Variants in LCAT observed in about 807,000 individuals in gnomAD.
The protein encoded by LCAT is lecithin-cholesterol acyltransferase.
In LCAT, 15 loss-of-function variants were observed where a neutral mutation model predicts 41.0. That is an observed-to-expected ratio of 0.37 (90% confidence interval 0.24 to 0.56). The LOEUF (loss-of-function observed/expected upper bound fraction) is 0.56, where lower values mean the gene tolerates loss of function less well. Among genes scored for constraint, LCAT ranks in the 20% least tolerant of loss-of-function variants. The pLI, the probability that LCAT is intolerant of heterozygous loss-of-function variation, is 0.81. For missense variants in LCAT, 449 were observed against 595.1 expected, an observed-to-expected ratio of 0.75 and a Z score of 2.55; for synonymous variants, 248 against 245.4, an observed-to-expected ratio of 1.01 and a Z score of -0.10.
At position 67,942,753 on chromosome 16, in the gene LCAT, T is replaced by A. The variant is rs752777338; in HGVS notation, c.441A>T (p.Thr147=). The A allele has an allele frequency of 1.2e-6, 2 of 1,612,876 alleles. No homozygotes were observed. Among genetic ancestry groups the A allele is most frequent in the South Asian group, 2.2e-5 (2 of 91,090 alleles). The change falls in exon 4 of 6, where the codon ACA becomes ACT. Residue 147 remains threonine (T), a synonymous_variant. Transcript: ENST00000264005. This position sits in a 1 kb window ranked among gnomAD's most constrained non-coding sequence, Gnocchi z 6.6. ...CATTGTTGACCAGGTTCTGCACCAG[T>A]GTGTGCAGGTACCCTGTGGGGGGAC... ...DSSKLAGYLH[T]LVQNLVNNGY...
Position 67,943,434 on chromosome 16 carries a change from G to A in LCAT, c.155-222C>T. 1 of 597,664 alleles carries A rather than the reference G, an allele frequency of 1.7e-6. No individual in the cohort carries two copies. Among genetic ancestry groups the A allele is most frequent in the Non-Finnish European group, 3.0e-6 (1 of 330,406 alleles). 37.0% of individuals were successfully genotyped at this position (597,664 alleles called of 1,614,324 possible). A position where few individuals can be genotyped will look rare whatever the true frequency, so the allele number is the denominator to read the frequency against. On this transcript the variant is annotated intron_variant, in intron 1 of 5. Transcript: ENST00000264005. This position sits in a 1 kb window ranked among gnomAD's most constrained non-coding sequence, Gnocchi z 4.6. ...GAGGAAGGGAAGGCGCTGAGGTGCT[G>A]AGGCCAAGGCCGCTGACCCCTGCCT...
At position 67,940,108 on chromosome 16, in the gene LCAT, C is replaced by A; in HGVS notation, c.1119G>T (p.Ala373=). 6.2e-7 allele frequency: 1 copy of A among 1,613,138 alleles called. No homozygotes were observed. The highest frequency in any genetic ancestry group is 1.7e-5 in the Admixed American group (1 of 60,026). Residue 373 remains alanine (A), a synonymous_variant, in exon 6 of 6, where the codon GCG becomes GCT. Coordinates refer to ENST00000264005, the MANE Select transcript of LCAT (RefSeq NM_000229.2). ...GGCCACAGAGCTCGGTGCTGCGGGT[C>A]GCCACCGTGTCATCACCATCCTCAT... The part of the protein sequence containing the change: ...VLYEDGDDTV[A]TRSTELCGLW...
chr16:67,941,892 A>G (rs1197104706), intron 5 of LCAT: 2 of 1,122,618 alleles, frequency 1.8e-6, no homozygotes, highest in Non-Finnish European at 2.2e-6. Flanking sequence ...ACCAGCTCCC[A>G]GGGTACAGGG....
chr16:67,942,247 A>G lies in LCAT; in HGVS notation c.748+116T>C. ...CCAGTGACAGCAAGCATGCCAGCCCAGGAGTGGTAGATAGCACCCCTAGAG... is the reference window on the plus strand; with the variant it reads ...CCAGTGACAGCAAGCATGCCAGCCCGGGAGTGGTAGATAGCACCCCTAGAG... On this transcript the variant is annotated intron_variant, in intron 5 of 5. Coordinates refer to ENST00000264005, the MANE Select transcript of LCAT (RefSeq NM_000229.2). This position sits in a 1 kb window ranked among gnomAD's most constrained non-coding sequence, Gnocchi z 6.6. The G allele has an allele frequency of 1.5e-6, 2 of 1,307,542 alleles. No individual in the cohort carries two copies. Among genetic ancestry groups the G allele is most frequent in the Non-Finnish European group, 1.1e-6 (1 of 927,952 alleles). The allele number at this position is 1,307,542 out of a possible 1,614,324, so 81.0% of individuals were successfully genotyped here.
rs371031661 is a variant in LCAT at position 67,942,986 on chromosome 16, G to A, written c.312-10C>T. 54 of 1,612,682 alleles carry A rather than the reference G, an allele frequency of 3.3e-5. No homozygotes were observed. The highest frequency in any genetic ancestry group is 3.9e-5 in the Non-Finnish European group (46 of 1,179,210). On this transcript the variant is annotated splice_polypyrimidine_tract_variant and intron_variant, in intron 2 of 5. Coordinates refer to ENST00000264005, the MANE Select transcript of LCAT (RefSeq NM_000229.2). The surrounding 1 kb of genome is among the most constrained non-coding windows in gnomAD (Gnocchi z 6.6). ...CCGGTTGTAGACAACCCTGCGGGGCGGGGGTGCCACTCAGCAGCCAGTAGC... is the reference window on the plus strand; with the variant it reads ...CCGGTTGTAGACAACCCTGCGGGGCAGGGGTGCCACTCAGCAGCCAGTAGC...
At position 67,942,682 on chromosome 16, in the gene LCAT, C is replaced by G; in HGVS notation, c.512G>C (p.Arg171Pro). 1 of 1,612,888 alleles carries G rather than the reference C, an allele frequency of 6.2e-7. No individual in the cohort carries two copies. The highest frequency in any genetic ancestry group is 8.5e-7 in the Non-Finnish European group (1 of 1,179,954). ...GCAGAGACACTCACCGGGCTCCAGCCGCCAGTCATAGGGGGCGGCGCGCAC... is the reference window on the plus strand; with the variant it reads ...GCAGAGACACTCACCGGGCTCCAGCGGCCAGTCATAGGGGGCGGCGCGCAC... ...ETVRAAPYDWRLEPGQQEEYY... is the reference protein window; with the variant it reads ...ETVRAAPYDWPLEPGQQEEYY... The change falls in exon 4 of 6, where the codon CGG becomes CCG. Residue 171 changes from arginine (R) to proline (P), a missense_variant. Physicochemically the swap from Arg to Pro is moderately radical, Grantham distance 103. Coordinates refer to ENST00000264005, the MANE Select transcript of LCAT (RefSeq NM_000229.2). The surrounding 1 kb of genome is among the most constrained non-coding windows in gnomAD (Gnocchi z 6.6).
At position 67,939,789 on chromosome 16, in the gene LCAT, C is replaced by A; in HGVS notation, c.*115G>T. 1.3e-6 allele frequency: 2 copies of A among 1,520,100 alleles called. No individual in the cohort carries two copies. Among genetic ancestry groups the A allele is most frequent in the Non-Finnish European group, 1.8e-6 (2 of 1,127,646 alleles). The allele number at this position is 1,520,100 out of a possible 1,614,324, so 94.2% of individuals were successfully genotyped here. A position where few individuals can be genotyped will look rare whatever the true frequency, so the allele number is the denominator to read the frequency against. On this transcript the variant is annotated 3_prime_UTR_variant, in exon 6 of 6. Coordinates refer to ENST00000264005, the MANE Select transcript of LCAT (RefSeq NM_000229.2). ...CCTCAGCAGAGCCCATCTTGCCTCA[C>A]TGCACACAGCACTGAGCCTGTGGCT...
chr16:67,941,620 G>GAA, intron 5 of LCAT: 1 of 907,430 alleles, frequency 1.1e-6, no homozygotes, highest in Non-Finnish European at 1.3e-6. Context: ...GTCTGAAAAA[G>GAA]AAAAAAAAAA....
In LCAT at chr16:67,943,738, T is replaced by G; in HGVS notation, c.154+210A>C. Reference sequence around the variant, plus strand: ...ACCCCGTCCCCCACTCCGCCCCCCCTGGGTTAGACAACTGAGAGTCACAGT... The same window carrying G: ...ACCCCGTCCCCCACTCCGCCCCCCCGGGGTTAGACAACTGAGAGTCACAGT... On this transcript the variant is annotated intron_variant, in intron 1 of 5. Transcript: ENST00000264005. This position sits in a 1 kb window ranked among gnomAD's most constrained non-coding sequence, Gnocchi z 4.6. The G allele has an allele frequency of 1.7e-6, 1 of 576,512 alleles. No individual in the cohort carries two copies. Among genetic ancestry groups the G allele is most frequent in the Non-Finnish European group, 3.0e-6 (1 of 330,366 alleles). The allele number at this position is 576,512 out of a possible 1,614,324, so 35.7% of individuals were successfully genotyped here.
In LCAT at chr16:67,943,130, C is replaced by G. The variant is rs756818645; in HGVS notation, c.237G>C (p.Glu79Asp). ...GATCCAGCCAGATGGTGAAGAAGTC[C>G]TCTGTCTTGCGGTAGCACATCCAGT... ...VVNWMCYRKTEDFFTIWLDLN... is the reference protein window; with the variant it reads ...VVNWMCYRKTDDFFTIWLDLN... The change falls in exon 2 of 6, where the codon GAG (glutamate) becomes GAC (aspartate). Residue 79 changes from glutamate to aspartate, a missense_variant. By Grantham distance (45) the Glu-to-Asp change is conservative. Coordinates refer to ENST00000264005, the MANE Select transcript of LCAT (RefSeq NM_000229.2). The surrounding 1 kb of genome is among the most constrained non-coding windows in gnomAD (Gnocchi z 4.6). 1 of 1,613,982 alleles carries G rather than the reference C, an allele frequency of 6.2e-7. No homozygotes were observed. Among genetic ancestry groups the G allele is most frequent in the East Asian group, 2.2e-5 (1 of 44,884 alleles).
Position 67,944,095 on chromosome 16 carries a change from G to A in LCAT, c.7C>T (p.Pro3Ser). The A allele has an allele frequency of 1.3e-6, 2 of 1,547,660 alleles. No individual in the cohort carries two copies. The highest frequency in any genetic ancestry group is 1.7e-6 in the Non-Finnish European group (2 of 1,146,152). Residue 3 changes from proline (P) to serine (S), a missense_variant, in exon 1 of 6, where the codon CCG becomes TCG. Transcript: ENST00000264005. The surrounding 1 kb of genome is among the most constrained non-coding windows in gnomAD (Gnocchi z 6.6). ...ACCCACTGCCATGGGGAGCCGGGCG[G>A]CCCCATTCCAGCCCTGGTGCCTACT... MG[P>S]PGSPWQWVTL...
At position 67,942,288 on chromosome 16, in the gene LCAT, A is replaced by C; in HGVS notation, c.748+75T>G. On this transcript the variant is annotated intron_variant, in intron 5 of 5. Coordinates refer to ENST00000264005, the MANE Select transcript of LCAT (RefSeq NM_000229.2). The surrounding 1 kb of genome is among the most constrained non-coding windows in gnomAD (Gnocchi z 6.6). ...ACCCCTAGAGGCCACTGTGAGCAGG[A>C]GCCGCAATGAAGGCAGGCCCAGGAT... 2 of 1,485,730 alleles carry C rather than the reference A, an allele frequency of 1.3e-6. No homozygotes were observed. Among genetic ancestry groups the C allele is most frequent in the South Asian group, 2.3e-5 (2 of 86,512 alleles). 92.0% of individuals were successfully genotyped at this position (1,485,730 alleles called of 1,614,324 possible). A position where few individuals can be genotyped will look rare whatever the true frequency, so the allele number is the denominator to read the frequency against.
At position 67,942,723 on chromosome 16, in the gene LCAT, G is replaced by A. The variant is rs766908533; in HGVS notation, c.471C>T (p.Tyr157=). Residue 157 remains tyrosine (Y), a synonymous_variant, in exon 4 of 6, where the codon TAC becomes TAT. Coordinates refer to ENST00000264005, the MANE Select transcript of LCAT (RefSeq NM_000229.2). This position sits in a 1 kb window ranked among gnomAD's most constrained non-coding sequence, Gnocchi z 6.6. The part of the protein sequence containing the change: ...TLVQNLVNNG[Y]VRDETVRAAP... ...CGGCGCGCACAGTCTCGTCCCGCACGTAGCCATTGTTGACCAGGTTCTGCA... is the reference window on the plus strand; with the variant it reads ...CGGCGCGCACAGTCTCGTCCCGCACATAGCCATTGTTGACCAGGTTCTGCA... 24 of 1,612,720 alleles carry A rather than the reference G, an allele frequency of 1.5e-5. No individual in the cohort carries two copies. Among genetic ancestry groups the A allele is most frequent in the African/African-American group, 5.3e-5 (4 of 74,928 alleles).
At position 67,943,802 on chromosome 16, in the gene LCAT, C is replaced by T. The variant is rs933239904; in HGVS notation, c.154+146G>A. 34 of 744,424 alleles carry T rather than the reference C, an allele frequency of 4.6e-5. No homozygotes were observed. The Admixed American group carries it at 5.7e-4, about 12-fold the overall frequency. The allele number at this position is 744,424 out of a possible 1,614,324, so 46.1% of individuals were successfully genotyped here. A position where few individuals can be genotyped will look rare whatever the true frequency, so the allele number is the denominator to read the frequency against. On this transcript the variant is annotated intron_variant, in intron 1 of 5. Coordinates refer to ENST00000264005, the MANE Select transcript of LCAT (RefSeq NM_000229.2). The surrounding 1 kb of genome is among the most constrained non-coding windows in gnomAD (Gnocchi z 4.6). ...GGACGTCATTCCTCTAAGGGACAAG[C>T]TTTTGGCCCCTCCCCACACCAGGGC...
In LCAT at chr16:67,943,074, C is replaced by T; in HGVS notation, c.293G>A (p.Cys98Tyr). 2 of 1,613,988 alleles carry T rather than the reference C, an allele frequency of 1.2e-6. No individual in the cohort carries two copies. The highest frequency in any genetic ancestry group is 1.7e-6 in the Non-Finnish European group (2 of 1,179,936). ...GCTGTACCTGGTGTTATCGATCCAGCAGTCTACCCCAAGGGGTAGGAACAT... is the reference window on the plus strand; with the variant it reads ...GCTGTACCTGGTGTTATCGATCCAGTAGTCTACCCCAAGGGGTAGGAACAT... Reference protein sequence around the residue: ...LNMFLPLGVDCWIDNTRVVYN... With the variant: ...LNMFLPLGVDYWIDNTRVVYN... Residue 98 changes from cysteine (C) to tyrosine (Y), a missense_variant, in exon 2 of 6, where the codon TGC becomes TAC. Transcript: ENST00000264005. This position sits in a 1 kb window ranked among gnomAD's most constrained non-coding sequence, Gnocchi z 4.6.
At position 67,940,685 on chromosome 16, in the gene LCAT, G is replaced by A. The variant is rs571554519; in HGVS notation, c.749-207C>T. The A allele has an allele frequency of 4.6e-6, 4 of 862,290 alleles. No individual in the cohort carries two copies. In the South Asian group the frequency reaches 5.3e-5, roughly 11 times the overall value. The allele number at this position is 862,290 out of a possible 1,614,324, so 53.4% of individuals were successfully genotyped here. ...AGAAGCCCTGATAAGACCTCTGTTGGGTGGAGCTGTAGGGCTTCAAAAGGA... is the reference window on the plus strand; with the variant it reads ...AGAAGCCCTGATAAGACCTCTGTTGAGTGGAGCTGTAGGGCTTCAAAAGGA... On this transcript the variant is annotated intron_variant, in intron 5 of 5. Coordinates refer to ENST00000264005, the MANE Select transcript of LCAT (RefSeq NM_000229.2).
rs750264643 is a variant in LCAT, at chr16:67,942,335, TGGACCTAAGTGTTCGA to T, written c.748+12_748+27del. 8.1e-6 allele frequency: 13 copies of T among 1,609,428 alleles called. 1 individual carries two copies. In the South Asian group the frequency reaches 1.3e-4, roughly 16 times the overall value. On this transcript the variant is annotated intron_variant, in intron 5 of 5. Coordinates refer to ENST00000264005, the MANE Select transcript of LCAT (RefSeq NM_000229.2). The surrounding 1 kb of genome is among the most constrained non-coding windows in gnomAD (Gnocchi z 6.6). ...GGATCAGCTTGGTCTCACCCATCGC[TGGACCTAAGTGTTCGA>T]GGCCTTCTCACCTGAGGCCAAGACC...
chr16:67,943,370 C>T lies in LCAT; in HGVS notation c.155-158G>A. On this transcript the variant is annotated intron_variant, in intron 1 of 5. Transcript: ENST00000264005. The surrounding 1 kb of genome is among the most constrained non-coding windows in gnomAD (Gnocchi z 4.6). ...ACCCTCCCCTGCTTACACCCCCTCTCCCTGCTGTCCCCCCAGTAGCCAAAG... is the reference window on the plus strand; with the variant it reads ...ACCCTCCCCTGCTTACACCCCCTCTTCCTGCTGTCCCCCCAGTAGCCAAAG... 1.4e-6 allele frequency: 1 copy of T among 701,228 alleles called. No homozygotes were observed. 43.4% of individuals were successfully genotyped at this position (701,228 alleles called of 1,614,324 possible).
rs939263408 is a variant in LCAT at position 67,943,267 on chromosome 16, C to T, written c.155-55G>A. 1 of 1,598,088 alleles carries T rather than the reference C, an allele frequency of 6.3e-7. No individual in the cohort carries two copies. ...TGGATTCCCCCCGTGACCCTTACCC[C>T]CGTCACCCCAGATGCTGCAGTGACC... On this transcript the variant is annotated intron_variant, in intron 1 of 5. Transcript: ENST00000264005. The surrounding 1 kb of genome is among the most constrained non-coding windows in gnomAD (Gnocchi z 4.6).
Sources: gnomAD v4.1 joint callset for allele counts on GRCh38, gnomAD v4.1.1 for gene constraint, Gnocchi (gnomAD v3.1) non-coding constraint, MANE v1.5 for transcripts, NCBI Gene and HGNC (gene_info 2026-07-23, HGNC 2026-07-21) for gene names.